The following SCAMP1 variants were observed in gnomAD, a reference collection of about 807,000 sequenced individuals.
The protein encoded by SCAMP1 is secretory carrier membrane protein 1, also known as secretory carrier-associated membrane protein 1.
In SCAMP1, 15 loss-of-function variants were observed where a neutral mutation model predicts 41.8. The ratio of observed to expected loss-of-function variants is 0.36; its 90% CI spans 0.24 to 0.55. SCAMP1 has a LOEUF of 0.55. Ranked by LOEUF, SCAMP1 falls within the 20% of genes least tolerant of loss-of-function variation. SCAMP1 has a pLI of 0.86. For missense variants in SCAMP1, 341 were observed against 412.6 expected (o/e 0.83, Z 1.50); for synonymous variants, 135 against 136.8 (o/e 0.99, Z 0.09).
At chr5:78,443,296 T>C (rs1267164436) in intron 6 of SCAMP1, among the ~76,000 whole-genome samples, 1 of 152,004 alleles carries the variant, frequency 6.6e-6, no homozygotes, top group East Asian at 1.9e-4. Context: ...CAGCTATGTA[T>C]TTGGATTATT....
At chr5:78,443,677 T>TTTTTTTTA in intron 6 of SCAMP1, among the ~76,000 whole-genome samples, 1 of 144,374 alleles carries the variant, frequency 6.9e-6, no homozygotes, top group Non-Finnish European at 1.5e-5. Flanking sequence ...TTTTTTTTTT[T>TTTTTTTTA]GAGATAGGAT....
At position 78,416,574 on chromosome 5, in the gene SCAMP1, C is replaced by A; in HGVS notation, c.268C>A (p.Arg90Ser). Residue 90 changes from arginine to serine, a missense_variant, in exon 4 of 9, where the codon CGC becomes AGC. By Grantham distance (110) the Arg-to-Ser change is moderately radical. Transcript: ENST00000621999. ...HALAQAELLKRQEELERKAAE... is the reference protein window; with the variant it reads ...HALAQAELLKSQEELERKAAE... ...ATTGGCCCAAGCTGAACTTCTTAAG[C>A]GCCAGGAAGAACTAGAAAGAAAAGC... is the stretch of plus-strand genomic sequence containing the variant. 6.3e-7 allele frequency: 1 copy of A among 1,598,374 alleles called. No homozygotes were observed. Among genetic ancestry groups the A allele is most frequent in the Non-Finnish European group, 8.5e-7 (1 of 1,172,174 alleles).
At chr5:78,406,848 A>G (rs1055298957) in intron 2 of SCAMP1, among the ~76,000 whole-genome samples, 4 of 152,178 alleles carry the variant, frequency 2.6e-5, no homozygotes, top group Non-Finnish European at 5.9e-5. Flanking sequence ...TTGCTCTGCC[A>G]GACTTTGTTT....
At chr5:78,397,971 G>C (rs752218411) in intron 2 of SCAMP1, among the ~76,000 whole-genome samples, 10 of 152,206 alleles carry the variant, frequency 6.6e-5, no homozygotes, top group Non-Finnish European at 1.3e-4. Context: ...AGGATGTGGA[G>C]AATTGGAACC....
chr5:78,430,437 T>G, intron 6 of SCAMP1, among the ~76,000 whole-genome samples: 1 of 151,654 alleles, frequency 6.6e-6, no homozygotes, highest in Non-Finnish European at 1.5e-5. Flanking sequence ...TCTGATTCTT[T>G]CCATATTTTC....
chr5:78,398,353 C>T (rs1337383652), intron 2 of SCAMP1, among the ~76,000 whole-genome samples: 21 of 100,952 alleles, frequency 2.1e-4, no homozygotes, highest in African/African-American at 5.9e-4. Context: ...TAGGGTTCAC[C>T]TCTTTTTTTT....
In SCAMP1 at chr5:78,421,945, T is replaced by C; in HGVS notation, c.617T>C (p.Leu206Pro). The change falls in exon 6 of 9, where the codon CTT (leucine) becomes CCT (proline). Residue 206 changes from leucine (L) to proline (P), a missense_variant. Transcript: ENST00000621999. ...PCSFVCWYRP[L>P]YGAFRSDSSF... ...TCATTTGTCTGTTGGTACAGACCAC[T>C]TTATGGAGCTTTCAGGTAAAATGTG... 1.2e-6 allele frequency: 2 copies of C among 1,611,816 alleles called. No homozygotes were observed. The highest frequency in any genetic ancestry group is 1.7e-6 in the Non-Finnish European group (2 of 1,179,198).
At chr5:78,411,879 A>G (rs1006520197) in intron 2 of SCAMP1, among the ~76,000 whole-genome samples, 2 of 152,160 alleles carry the variant, frequency 1.3e-5, no homozygotes. Flanking sequence ...GTACTAGTGT[A>G]TAATCCCACT....
intron 1 of SCAMP1, among the ~76,000 whole-genome samples, chr5:78,385,627 G>C (rs183317543): frequency 2.0e-5 from 3 of 151,934 alleles, no homozygotes; most frequent in Non-Finnish European, 4.4e-5. Context: ...ATTTCCCAGC[G>C]GTTTTGATAG....
chr5:78,470,331 T>G (rs943970651), intron 8 of SCAMP1, among the ~76,000 whole-genome samples: 12 of 152,168 alleles, frequency 7.9e-5, no homozygotes, highest in Admixed American at 7.9e-4. Context: ...AGCAATAATT[T>G]TATTCCTCCC....
chr5:78,403,465 A>G (rs1751848261), intron 2 of SCAMP1, among the ~76,000 whole-genome samples: 1 of 136,756 alleles, frequency 7.3e-6, no homozygotes, highest in Non-Finnish European at 1.6e-5. Flanking sequence ...TGTTGCTGTT[A>G]TTATTTTGAA....
In SCAMP1 at chr5:78,476,615, G is replaced by A. The variant is rs1754010803; in HGVS notation, c.*947G>A. The A allele has an allele frequency of 6.6e-6, 1 of 152,400 alleles. No homozygotes were observed. Among genetic ancestry groups the A allele is most frequent in the South Asian group, 2.1e-4 (1 of 4,824 alleles). 9.4% of individuals were successfully genotyped at this position (152,400 alleles called of 1,614,324 possible). A position where few individuals can be genotyped will look rare whatever the true frequency, so the allele number is the denominator to read the frequency against. On this transcript the variant is annotated 3_prime_UTR_variant, in exon 9 of 9. Coordinates refer to ENST00000621999, the MANE Select transcript of SCAMP1 (RefSeq NM_004866.6). ...TGTGTGTGTGTGATTTTTAACAGAG[G>A]TATTAAAGGCTAGCCTAACTGTTGT...
chr5:78,474,344 C>T (rs886712962), intron 8 of SCAMP1, among the ~76,000 whole-genome samples: 1 of 152,106 alleles, frequency 6.6e-6, no homozygotes, highest in African/African-American at 2.4e-5. Context: ...TGTCTTTAGC[C>T]CATTCCTCTC....
rs550197749 is a variant in SCAMP1 at position 78,478,867 on chromosome 5, G to C, written c.*3199G>C. 3.5e-4 allele frequency: 54 copies of C among 152,156 alleles called. No homozygotes were observed. The highest frequency in any genetic ancestry group is 1.2e-3 in the African/African-American group (51 of 41,524). 9.4% of individuals were successfully genotyped at this position (152,156 alleles called of 1,614,324 possible). On this transcript the variant is annotated 3_prime_UTR_variant, in exon 9 of 9. Transcript: ENST00000621999. ...CTGGGTGTTATATTTAAAAAAGCAA[G>C]TTTGGATTTTTACACCTAATTTACT... is the stretch of plus-strand genomic sequence containing the variant.
intron 6 of SCAMP1, among the ~76,000 whole-genome samples, chr5:78,437,709 C>T (rs1398698898): frequency 6.6e-6 from 1 of 152,306 alleles, no homozygotes; most frequent in South Asian, 2.1e-4. Flanking sequence ...GCTTTGGTGT[C>T]AGGATGATGC....
chr5:78,407,094 A>T (rs553371232), intron 2 of SCAMP1, among the ~76,000 whole-genome samples: 1 of 152,100 alleles, frequency 6.6e-6, no homozygotes, highest in Non-Finnish European at 1.5e-5. Context: ...TTCCTTCTGT[A>T]TTTGGAGTTT....
At chr5:78,368,991 T>G (rs1192438066) in intron 1 of SCAMP1, among the ~76,000 whole-genome samples, 1 of 151,740 alleles carries the variant, frequency 6.6e-6, no homozygotes, top group Non-Finnish European at 1.5e-5. Flanking sequence ...CAAGCAGAAG[T>G]TGGATAACCT....
At chr5:78,467,930 TA>T (rs1260546054) in intron 8 of SCAMP1, among the ~76,000 whole-genome samples, 4 of 152,324 alleles carry the variant, frequency 2.6e-5, no homozygotes, top group African/African-American at 9.6e-5. Context: ...TAGCAGTATT[TA>T]TAACCACTAG....
At chr5:78,436,505 G>C (rs150700105) in intron 6 of SCAMP1, among the ~76,000 whole-genome samples, 3,025 of 152,180 alleles carry the variant, frequency 0.02, 113 homozygotes, top group African/African-American at 0.068. Context: ...TCTTGTTTTT[G>C]TCAGGTTTGT....
Sources: allele counts gnomAD v4.1 joint callset (sites outside exome capture counted in the v4.1 genomes callset), GRCh38; gene constraint gnomAD v4.1.1; transcripts MANE v1.5; gene names NCBI Gene and HGNC (gene_info 2026-07-23, HGNC 2026-07-21).